BTBD16: variants seen among roughly 807,000 people sequenced by gnomAD.
BTBD16 encodes BTB domain containing 16, also known as BTB/POZ domain-containing protein 16.
In BTBD16, 66 loss-of-function variants were observed where a neutral mutation model predicts 67.4. The ratio of observed to expected loss-of-function variants is 0.98; its 90% CI spans 0.80 to 1.20. The LOEUF is 1.20. Ranked by LOEUF, BTBD16 falls within the 50% of genes most tolerant of loss-of-function variation. The probability of loss-of-function intolerance (pLI) is 0.00; values close to 1 mark genes in which losing one functional copy is unlikely to be tolerated. For synonymous variants in BTBD16, 242 were observed against 236.4 expected (o/e 1.02, Z -0.22); for missense variants, 634 against 616.0 (o/e 1.03, Z -0.31).
Position 122,336,545 on chromosome 10 carries a change from C to T in BTBD16, c.1315C>T (p.His439Tyr). The T allele has an allele frequency of 6.2e-7, 1 of 1,612,626 alleles. No individual in the cohort carries two copies. The highest frequency in any genetic ancestry group is 1.3e-5 in the African/African-American group (1 of 74,942). ...TCCCTCTGCGGTCTACGAGCACAAC[C>T]ACGTCAGCCTGCGAGCGGCACGCCT... ...ESPSAVYEHNHVSLRAARLVK... is the reference protein window; with the variant it reads ...ESPSAVYEHNYVSLRAARLVK... The change falls in exon 15 of 16, where the codon CAC (histidine) becomes TAC (tyrosine). Residue 439 changes from histidine to tyrosine, a missense_variant. Coordinates refer to ENST00000260723, the MANE Select transcript of BTBD16 (RefSeq NM_144587.5).
At chr10:122,279,946 G>T (rs1049197900) in intron 3 of BTBD16, among the ~76,000 whole-genome samples, 2 of 152,148 alleles carry the variant, frequency 1.3e-5, no homozygotes, top group Admixed American at 6.5e-5. Flanking sequence ...TTTCGGGTAT[G>T]TAATTGTGCC....
At chr10:122,327,442 T>TC (rs1308002344) in intron 10 of BTBD16, 2 of 242,182 alleles carry the variant, frequency 8.3e-6, no homozygotes, top group Non-Finnish European at 1.3e-5. Context: ...TCAGCTTTAC[T>TC]CCTCCCTTCT....
intron 15 of BTBD16, among the ~76,000 whole-genome samples, chr10:122,337,720 C>G (rs1590107626): frequency 6.6e-6 from 1 of 152,332 alleles, no homozygotes; most frequent in East Asian, 1.9e-4. Flanking sequence ...CCACCTCGGC[C>G]TCCCAAAGTG....
At chr10:122,275,916 C>T (rs955420888) in intron 2 of BTBD16, among the ~76,000 whole-genome samples, 18 of 152,166 alleles carry the variant, frequency 1.2e-4, no homozygotes, top group African/African-American at 4.3e-4. Context: ...CATGAATATT[C>T]ACAGCACTCT....
At chr10:122,278,220 G>A (rs2096344986) in intron 3 of BTBD16, among the ~76,000 whole-genome samples, 1 of 152,176 alleles carries the variant, frequency 6.6e-6, no homozygotes, top group South Asian at 2.1e-4. Flanking sequence ...GAGTCACTGA[G>A]CTAAACTGGA....
rs538926337 is a variant in BTBD16, at chr10:122,312,955, C to A, written c.911+5647C>A. On this transcript the variant is annotated intron_variant, in intron 10 of 15. Coordinates refer to ENST00000260723, the MANE Select transcript of BTBD16 (RefSeq NM_144587.5). ...GCAGTGGTGTGATCTCAGCTCACTGCAAACTCTGCCTCTCAGGTTCAAACG... is the reference window on the plus strand; with the variant it reads ...GCAGTGGTGTGATCTCAGCTCACTGAAAACTCTGCCTCTCAGGTTCAAACG... Among the ~76,000 whole-genome samples the A allele has an allele frequency of 3.3e-5, 5 of 152,318 alleles. No homozygotes were observed. The East Asian group carries it at 9.7e-4, about 29-fold the overall frequency.
chr10:122,278,593 T>C (rs1198559433), intron 3 of BTBD16, among the ~76,000 whole-genome samples: 1 of 152,246 alleles, frequency 6.6e-6, no homozygotes, highest in Non-Finnish European at 1.5e-5. Context: ...CTCTGTGCTC[T>C]GCCAGTCAAC....
chr10:122,278,619 C>T lies in BTBD16; in HGVS notation c.167+1680C>T, dbSNP rs1304231182. Among the ~76,000 whole-genome samples the T allele has an allele frequency of 3.3e-5, 5 of 152,326 alleles. No homozygotes were observed. The East Asian group carries it at 5.8e-4, about 18-fold the overall frequency. The stretch of plus-strand genomic sequence containing the variant: ...GCCAGTCAACACCCCCTTTATTTCA[C>T]TCTGCCTCCTTGCACCTTCCCCAGT... On this transcript the variant is annotated intron_variant, in intron 3 of 15. Transcript: ENST00000260723.
intron 10 of BTBD16, among the ~76,000 whole-genome samples, chr10:122,323,271 C>A (rs2096438618): frequency 6.6e-6 from 1 of 152,156 alleles, no homozygotes; most frequent in African/African-American, 2.4e-5. Context: ...TGGTTTCAGT[C>A]CTGCTGGGTA....
chr10:122,277,372 C>T (rs1457616542), intron 3 of BTBD16, among the ~76,000 whole-genome samples: 1 of 152,176 alleles, frequency 6.6e-6, no homozygotes, highest in African/African-American at 2.4e-5. Flanking sequence ...GCTAGACCCA[C>T]TTCTCCATGT....
intron 10 of BTBD16, among the ~76,000 whole-genome samples, chr10:122,324,741 T>C (rs972103462): frequency 5.3e-5 from 8 of 152,188 alleles, no homozygotes. Flanking sequence ...CCCTTTAACT[T>C]GGATCTCTGG....
intron 13 of BTBD16, 137 bp from the exon 14 acceptor site, chr10:122,334,744 A>G (rs1421455180): frequency 2.1e-5 from 11 of 519,382 alleles, no homozygotes; most frequent in Middle Eastern, 2.8e-4. Flanking sequence ...CTGGTCTTGA[A>G]CTCCTGACCT....
chr10:122,307,388 A>G, intron 10 of BTBD16, 80 bp downstream of exon 10: 7 of 1,372,610 alleles, frequency 5.1e-6, no homozygotes, highest in Non-Finnish European at 6.8e-6. Context: ...ACGGGGGAAA[A>G]CCATCAGTGA....
intron 10 of BTBD16, among the ~76,000 whole-genome samples, chr10:122,317,180 A>G (rs1000871724): frequency 3.9e-5 from 6 of 152,214 alleles, no homozygotes; most frequent in African/African-American, 1.4e-4. Context: ...ACAAGTATTT[A>G]CTTTATAATT....
At chr10:122,289,731 T>A (rs144670198) in intron 5 of BTBD16, among the ~76,000 whole-genome samples, 178 bp from the exon 6 acceptor site, 10 of 152,178 alleles carry the variant, frequency 6.6e-5, no homozygotes, top group African/African-American at 2.4e-4. Flanking sequence ...AGAGTGAAAC[T>A]CCATCTCACA....
At chr10:122,294,842 A>G (rs2096380201) in intron 7 of BTBD16, among the ~76,000 whole-genome samples, 1 of 152,250 alleles carries the variant, frequency 6.6e-6, no homozygotes, top group Non-Finnish European at 1.5e-5. Flanking sequence ...GCATAAGAGA[A>G]GGTGCCAGCC....
intron 2 of BTBD16, among the ~76,000 whole-genome samples, chr10:122,276,126 A>G (rs1019576133): frequency 6.6e-6 from 1 of 152,242 alleles, no homozygotes; most frequent in Non-Finnish European, 1.5e-5. Flanking sequence ...TTCCACTTGT[A>G]TGCAATACCC....
In BTBD16 at chr10:122,302,924, G is replaced by A. The variant is rs188722047; in HGVS notation, c.791+3790G>A. Reference sequence around the variant, plus strand: ...TGGGATTTGAACCCACGTCTGAGTGGCCTAAAGCCTGTGGTCATTACCAGC... The same window carrying A: ...TGGGATTTGAACCCACGTCTGAGTGACCTAAAGCCTGTGGTCATTACCAGC... On this transcript the variant is annotated intron_variant, in intron 9 of 15. Transcript: ENST00000260723. 2.9e-3 allele frequency among the ~76,000 whole-genome samples: 436 copies of A among 152,192 alleles called. 3 individuals are homozygous for A. Among genetic ancestry groups the A allele is most frequent in the Non-Finnish European group, 4.6e-3 (313 of 68,006 alleles).
chr10:122,307,517 A>G (rs1242942480), intron 10 of BTBD16, among the ~76,000 whole-genome samples: 2 of 152,112 alleles, frequency 1.3e-5, no homozygotes, highest in Non-Finnish European at 2.9e-5. Flanking sequence ...GTGTTGTACT[A>G]TGAGATAATC....
Sources: allele counts gnomAD v4.1 joint callset (sites outside exome capture counted in the v4.1 genomes callset), GRCh38; gene constraint gnomAD v4.1.1; transcripts MANE v1.5; gene names NCBI Gene and HGNC (gene_info 2026-07-23, HGNC 2026-07-21).